Variants in PDE11A observed in about 807,000 individuals in gnomAD.
PDE11A encodes the protein phosphodiesterase 11A, also known as dual 3',5'-cyclic-AMP and -GMP phosphodiesterase 11A.
A neutral mutation model predicts 100.5 loss-of-function variants in PDE11A; 100 were observed. That is an observed-to-expected ratio of 1.00 (90% CI 0.85 to 1.18). PDE11A has a LOEUF of 1.18. Among genes scored for constraint, PDE11A ranks in the 50% most tolerant of loss-of-function variants. The pLI is 0.00. For missense variants in PDE11A, 1,141 were observed against 1,152.6 expected (o/e 0.99, Z 0.15); for synonymous variants, 381 against 420.8 (o/e 0.91, Z 1.16).
intron 2 of PDE11A, among the ~76,000 whole-genome samples, chr2:177,966,913 G>A (rs1417078051): frequency 2.0e-5 from 3 of 152,036 alleles, no homozygotes; most frequent in Non-Finnish European, 4.4e-5. Flanking sequence ...TTTTGGAATA[G>A]TTTCATAGAA....
chr2:178,029,451 T>C (rs932425725), intron 1 of PDE11A, among the ~76,000 whole-genome samples: 1 of 151,902 alleles, frequency 6.6e-6, no homozygotes, highest in African/African-American at 2.4e-5. Flanking sequence ...AAAAATAATG[T>C]CTAAATATAA....
chr2:177,869,265 G>A (rs905001257), intron 5 of PDE11A, among the ~76,000 whole-genome samples: 1 of 152,224 alleles, frequency 6.6e-6, no homozygotes, highest in South Asian at 2.1e-4. Context: ...TGGATTTGCT[G>A]CTCAGGCTCT....
intron 19 of PDE11A, among the ~76,000 whole-genome samples, chr2:177,630,221 G>A (rs2079897664): frequency 1.3e-5 from 2 of 152,194 alleles, no homozygotes; most frequent in Admixed American, 1.3e-4. Context: ...GGGGCAGATG[G>A]ACGACCAGGC....
chr2:177,754,635 C>A (rs889076024), intron 10 of PDE11A, among the ~76,000 whole-genome samples: 1 of 152,188 alleles, frequency 6.6e-6, no homozygotes, highest in Non-Finnish European at 1.5e-5. Flanking sequence ...GCACAGTATG[C>A]GGTCAGTGTC....
chr2:177,674,355 A>T (rs1405694410), intron 17 of PDE11A, among the ~76,000 whole-genome samples: 1 of 152,216 alleles, frequency 6.6e-6, no homozygotes, highest in African/African-American at 2.4e-5. Context: ...ACATCAGTTC[A>T]CTGGGCAGAA....
chr2:177,963,088 T>C (rs895970480), intron 2 of PDE11A, among the ~76,000 whole-genome samples: 6 of 152,178 alleles, frequency 3.9e-5, no homozygotes, highest in Admixed American at 3.9e-4. Flanking sequence ...ATAAATAAAA[T>C]CTGGCAGTCA....
intron 1 of PDE11A, among the ~76,000 whole-genome samples, chr2:178,055,297 T>C (rs1344506981): frequency 7.7e-6 from 1 of 129,840 alleles, no homozygotes; most frequent in Admixed American, 1.0e-4. Flanking sequence ...AACTGAACAA[T>C]GAGAACACTT....
At chr2:177,829,645 G>C (rs1006653871) in intron 6 of PDE11A, among the ~76,000 whole-genome samples, 1 of 149,976 alleles carries the variant, frequency 6.7e-6, no homozygotes, top group African/African-American at 2.5e-5. Flanking sequence ...GTAGAGACAG[G>C]GTTTCACCAC....
intron 1 of PDE11A, among the ~76,000 whole-genome samples, chr2:178,063,797 C>T (rs967545202): frequency 1.3e-5 from 2 of 152,116 alleles, no homozygotes; most frequent in South Asian, 2.1e-4. Context: ...ATTAGCTAGC[C>T]CTGGGAGGGG....
chr2:177,734,273 G>C (rs1191326457), intron 10 of PDE11A, among the ~76,000 whole-genome samples: 1 of 151,944 alleles, frequency 6.6e-6, no homozygotes, highest in East Asian at 1.9e-4. Context: ...AGCTAACCCA[G>C]AATCAACTCG....
At chr2:177,651,483 C>G (rs1439046921) in intron 19 of PDE11A, among the ~76,000 whole-genome samples, 1 of 152,150 alleles carries the variant, frequency 6.6e-6, no homozygotes, top group East Asian at 1.9e-4. Context: ...TTCAGCCAAA[C>G]CTACGAGCCA....
At chr2:178,088,963 G>A (rs1286952013) in intron 2 of PDE11A, among the ~76,000 whole-genome samples, 1 of 152,146 alleles carries the variant, frequency 6.6e-6, no homozygotes, top group Non-Finnish European at 1.5e-5. Context: ...CTCTGTCAGG[G>A]TACACCTAAT....
intron 19 of PDE11A, among the ~76,000 whole-genome samples, chr2:177,657,064 T>C (rs2080400404): frequency 6.6e-6 from 1 of 152,078 alleles, no homozygotes; most frequent in Non-Finnish European, 1.5e-5. Context: ...TCAGATTTCT[T>C]TTTAAAAAAA....
chr2:177,703,728 CTG>C (rs757052413), intron 13 of PDE11A, among the ~76,000 whole-genome samples: 3 of 152,186 alleles, frequency 2.0e-5, no homozygotes, highest in Non-Finnish European at 2.9e-5. Flanking sequence ...AGAAGTCACT[CTG>C]TATCTTCTTT....
chr2:177,934,439 C>T lies in PDE11A; in HGVS notation c.1072-29252G>A, dbSNP rs138959063. Among the ~76,000 whole-genome samples, 1,480 of 152,236 alleles carry T rather than the reference C, an allele frequency of 9.7e-3. 23 individuals carry two copies. Among genetic ancestry groups the T allele is most frequent in the African/African-American group, 0.034 (1,406 of 41,520 alleles). ...GCAAATCAAAACCACAATGAGATAC[C>T]ATCTCACAGCAGTCAAAATGGCTAT... On this transcript the variant is annotated intron_variant, in intron 2 of 19. Coordinates refer to ENST00000286063, the MANE Select transcript of PDE11A (RefSeq NM_016953.4).
intron 17 of PDE11A, among the ~76,000 whole-genome samples, chr2:177,672,837 G>A (rs1312030631): frequency 6.6e-6 from 1 of 152,132 alleles, no homozygotes; most frequent in African/African-American, 2.4e-5. Context: ...TGAAAATTGC[G>A]ATACACTTTG....
chr2:177,627,568 G>T lies in PDE11A; in HGVS notation c.*1839C>A, dbSNP rs1028173280. 5.9e-5 allele frequency: 9 copies of T among 152,122 alleles called. No homozygotes were observed. Among genetic ancestry groups the T allele is most frequent in the Admixed American group, 3.9e-4 (6 of 15,270 alleles). 9.4% of individuals were successfully genotyped at this position (152,122 alleles called of 1,614,324 possible). On this transcript the variant is annotated 3_prime_UTR_variant, in exon 20 of 20. Transcript: ENST00000286063. ...ATGATTAATAACAATAACAAGGGCC[G>T]GGTACGGTGGCTCACGCCTGTAATC...
intron 1 of PDE11A, among the ~76,000 whole-genome samples, chr2:178,016,131 A>ATTTTTTTTTTT (rs55638601): frequency 5.3e-4 from 44 of 83,740 alleles, no homozygotes; most frequent in African/African-American, 7.4e-4. Flanking sequence ...TGCCTGGCTA[A>ATTTTTTTTTTT]TTTTTTTTTT....
In PDE11A at chr2:178,072,427, G is replaced by C; in HGVS notation, c.11C>G (p.Ser4Cys). 1 of 1,613,308 alleles carries C rather than the reference G, an allele frequency of 6.2e-7. No individual in the cohort carries two copies. Among genetic ancestry groups the C allele is most frequent in the Non-Finnish European group, 8.5e-7 (1 of 1,180,036 alleles). ...TTCCACCTCCCCAAAGTCCAGGCGG[G>C]AGGCTGCCATGGTCCCAGACAGCTT... MAA[S>C]RLDFGEVETF... The change falls in exon 1 of 20, where the codon TCC (serine) becomes TGC (cysteine). Residue 4 changes from serine to cysteine, a missense_variant. Coordinates refer to ENST00000286063, the MANE Select transcript of PDE11A (RefSeq NM_016953.4).
Sources: gnomAD v4.1 joint callset for allele counts (sites outside exome capture counted in the v4.1 genomes callset) on GRCh38, gnomAD v4.1.1 for gene constraint, MANE v1.5 for transcripts, NCBI Gene and HGNC (gene_info 2026-07-23, HGNC 2026-07-21) for gene names.